CDH7: variants seen among roughly 807,000 people sequenced by gnomAD.
CDH7 encodes the protein cadherin-7.
Under a neutral mutation model 71.8 loss-of-function variants are expected in CDH7, and 25 were observed. The ratio of observed to expected loss-of-function variants is 0.35; its 90% CI spans 0.25 to 0.49. CDH7 has a LOEUF of 0.49. Ranked by LOEUF, CDH7 falls within the 20% of genes least tolerant of loss-of-function variation. CDH7 has a pLI of 0.99. For synonymous variants in CDH7, 381 were observed against 363.8 expected, an observed-to-expected ratio of 1.05 and a Z score of -0.54; for missense variants, 862 against 974.6, an observed-to-expected ratio of 0.88 and a Z score of 1.54.
intron 6 of CDH7, among the ~76,000 whole-genome samples, chr18:65,841,415 C>T (rs533651067): frequency 1.3e-5 from 2 of 152,224 alleles, no homozygotes; most frequent in South Asian, 4.1e-4. Context: ...GAATAAATAA[C>T]TTAAAGGTTG....
intron 4 of CDH7, among the ~76,000 whole-genome samples, chr18:65,818,816 A>G (rs12457196): frequency 0.86 from 130,786 of 152,122 alleles, 57,951 homozygotes; most frequent in East Asian, 0.99. Flanking sequence ...CCAACAGCCA[A>G]ACTACATGTA....
chr18:65,784,420 A>G (rs1334549516), intron 2 of CDH7, among the ~76,000 whole-genome samples: 4 of 152,122 alleles, frequency 2.6e-5, no homozygotes, highest in Non-Finnish European at 5.9e-5. Context: ...ATGCTTGAGG[A>G]AGTAGAAAAG....
intron 2 of CDH7, among the ~76,000 whole-genome samples, chr18:65,795,264 A>G (rs56689576): frequency 9.5e-4 from 144 of 152,310 alleles, no homozygotes; most frequent in African/African-American, 3.3e-3. Context: ...TTAAAATTAT[A>G]AGCAATGTAA....
intron 6 of CDH7, among the ~76,000 whole-genome samples, chr18:65,828,554 T>C (rs1023698847): frequency 6.6e-6 from 1 of 152,152 alleles, no homozygotes; most frequent in African/African-American, 2.4e-5. Context: ...ATTAGACTGT[T>C]TATGTGTTAA....
chr18:65,805,024 TAAAAC>T (rs1911265844), intron 2 of CDH7, among the ~76,000 whole-genome samples: 1 of 151,904 alleles, frequency 6.6e-6, no homozygotes, highest in Non-Finnish European at 1.5e-5. Context: ...GAAATTGAAA[TAAAAC>T]AAATACTGCT....
At chr18:65,853,664 C>G (rs1913226124) in intron 7 of CDH7, among the ~76,000 whole-genome samples, 1 of 151,704 alleles carries the variant, frequency 6.6e-6, no homozygotes, top group Non-Finnish European at 1.5e-5. Flanking sequence ...CAGTCTAATC[C>G]TTGTCTTTGA....
At chr18:65,805,582 T>C (rs1408092211) in intron 2 of CDH7, among the ~76,000 whole-genome samples, 1 of 151,984 alleles carries the variant, frequency 6.6e-6, no homozygotes, top group Non-Finnish European at 1.5e-5. Flanking sequence ...TTCAAAAGAG[T>C]TGAATTCTCA....
intron 1 of CDH7, among the ~76,000 whole-genome samples, chr18:65,751,944 A>G (rs1453622260): frequency 6.6e-6 from 1 of 152,198 alleles, no homozygotes; most frequent in African/African-American, 2.4e-5. Context: ...CTTAAATGTC[A>G]TAGTTCAGGT....
At chr18:65,862,237 C>A (rs1229466248) in intron 10 of CDH7, among the ~76,000 whole-genome samples, 1 of 152,154 alleles carries the variant, frequency 6.6e-6, no homozygotes, top group East Asian at 1.9e-4. Context: ...GGTCTTGCAA[C>A]TTGTCTAAGA....
intron 4 of CDH7, among the ~76,000 whole-genome samples, chr18:65,821,665 T>C (rs1488873256): frequency 1.3e-5 from 2 of 152,192 alleles, no homozygotes; most frequent in African/African-American, 4.8e-5. Context: ...GTAGGAATAT[T>C]ATTTAACTTG....
chr18:65,844,176 T>TAG, intron 7 of CDH7, 111 bp downstream of exon 7: 1 of 267,910 alleles, frequency 3.7e-6, no homozygotes, highest in Non-Finnish European at 6.4e-6. Context: ...AAAAACCAGA[T>TAG]ATATATATAT....
chr18:65,866,352 T>A (rs1234783859), intron 11 of CDH7: 22 of 105,718 alleles, frequency 2.1e-4, no homozygotes, highest in African/African-American at 4.1e-4. Context: ...AAAAAAAGAA[T>A]GAAACTATAG....
rs138671260 is a variant in CDH7 at position 65,833,100 on chromosome 18, A to G, written c.981+8269A>G. Among the ~76,000 whole-genome samples the G allele has an allele frequency of 1.6e-3, 247 of 152,294 alleles. 2 individuals are homozygous for G. Among genetic ancestry groups the G allele is most frequent in the African/African-American group, 5.8e-3 (241 of 41,588 alleles). On this transcript the variant is annotated intron_variant, in intron 6 of 11. Coordinates refer to ENST00000397968, the MANE Select transcript of CDH7 (RefSeq NM_004361.5). ...CAAAATATGCTCATATCCATACCCT[A>G]TGAAAGGCTGAATGAAGTCAAAATA...
At chr18:65,818,576 A>G (rs1911805713) in intron 4 of CDH7, among the ~76,000 whole-genome samples, 1 of 152,230 alleles carries the variant, frequency 6.6e-6, no homozygotes, top group African/African-American at 2.4e-5. Context: ...TCATTGATAT[A>G]ATGTAAAACA....
chr18:65,830,628 TC>T (rs71167153), intron 6 of CDH7, among the ~76,000 whole-genome samples: 123,436 of 139,464 alleles, frequency 0.89, 56,783 homozygotes, highest in East Asian at 1. Flanking sequence ...TCCCTTCGCT[TC>T]CCCTTCCCTT....
At chr18:65,803,717 A>G (rs1911207414) in intron 2 of CDH7, 1 of 152,096 alleles carries the variant, frequency 6.6e-6, no homozygotes, top group African/African-American at 2.4e-5. Context: ...ACTTCTGCCA[A>G]TCATTGTTTA....
At chr18:65,857,788 G>A in intron 7 of CDH7, 28 bp from the exon 8 acceptor site, 11 of 1,604,276 alleles carry the variant, frequency 6.9e-6, no homozygotes, top group Non-Finnish European at 8.5e-6. Flanking sequence ...CATGTTGAAG[G>A]CTTTTCTTTT....
chr18:65,855,600 G>C (rs1300438569), intron 7 of CDH7, among the ~76,000 whole-genome samples: 1 of 152,050 alleles, frequency 6.6e-6, no homozygotes, highest in African/African-American at 2.4e-5. Flanking sequence ...TATAATTTTA[G>C]TTAAAAACTT....
chr18:65,832,176 A>G (rs1218897529), intron 6 of CDH7, among the ~76,000 whole-genome samples: 1 of 150,030 alleles, frequency 6.7e-6, no homozygotes, highest in Non-Finnish European at 1.5e-5. Context: ...CTATACTATA[A>G]TAAAACTTTG....
Sources: allele counts gnomAD v4.1 joint callset (sites outside exome capture counted in the v4.1 genomes callset), GRCh38; gene constraint gnomAD v4.1.1; transcripts MANE v1.5; gene names NCBI Gene and HGNC (gene_info 2026-07-23, HGNC 2026-07-21).